The following GRIA3 variants were observed in gnomAD, a reference collection of about 807,000 sequenced individuals.
GRIA3 encodes glutamate receptor 3.
In GRIA3, 3 loss-of-function variants were observed where a neutral mutation model predicts 63.0. That is an observed-to-expected ratio of 0.05 (90% CI 0.02 to 0.12). The LOEUF is 0.12. Among genes scored for constraint, GRIA3 ranks in the 10% least tolerant of loss-of-function variants. The probability of loss-of-function intolerance (pLI) is 1.00; values close to 1 mark genes in which losing one functional copy is unlikely to be tolerated. For missense variants in GRIA3, 347 were observed against 700.9 expected (o/e 0.50, Z 5.70); for synonymous variants, 274 against 257.9 (o/e 1.06, Z -0.60).
chrX:123,303,938 A>G (rs1233523539), intron 3 of GRIA3, among the ~76,000 whole-genome samples: 1 of 111,400 alleles, frequency 9.0e-6, no homozygotes, highest in African/African-American at 3.3e-5. Context: ...TAGGAAAAAA[A>G]AAATGATTTC....
intron 12 of GRIA3, among the ~76,000 whole-genome samples, chrX:123,463,446 A>T (rs2045804917): frequency 9.5e-6 from 1 of 104,810 alleles, no homozygotes; most frequent in South Asian, 4.5e-4. Context: ...GGTATTCAGG[A>T]GGCTGATGCA....
chrX:123,322,532 G>GT (rs1200523521), intron 3 of GRIA3, among the ~76,000 whole-genome samples: 2 of 111,360 alleles, frequency 1.8e-5, no homozygotes, highest in African/African-American at 6.5e-5. Context: ...ACCAATGCCT[G>GT]TTTTTTTCTC....
At chrX:123,353,038 CACACACACACACACACAA>C (rs2045107574) in intron 4 of GRIA3, among the ~76,000 whole-genome samples, 1 of 108,282 alleles carries the variant, frequency 9.2e-6, no homozygotes, top group Non-Finnish European at 1.9e-5. Flanking sequence ...CACACACACA[CACACACACACACACACAA>C]ACACACACAC....
At chrX:123,470,723 T>C (rs750085319) in intron 13 of GRIA3, among the ~76,000 whole-genome samples, 5 of 112,159 alleles carry the variant, frequency 4.5e-5, no homozygotes, top group African/African-American at 1.6e-4. Flanking sequence ...CTTCCATGTA[T>C]GTCTACAATT....
chrX:123,383,584 T>C (rs1272519931), intron 5 of GRIA3, among the ~76,000 whole-genome samples: 2 of 111,999 alleles, frequency 1.8e-5, no homozygotes, highest in Non-Finnish European at 3.8e-5. Context: ...GACCTCCAGT[T>C]CCATCCACGT....
At chrX:123,306,965 T>C (rs1013084055) in intron 3 of GRIA3, among the ~76,000 whole-genome samples, 10 of 111,936 alleles carry the variant, frequency 8.9e-5, no homozygotes, top group African/African-American at 2.6e-4. Flanking sequence ...TGCCGAAAGC[T>C]TGCAGCCAGG....
At chrX:123,488,535 A>G (rs1325849692) in intron 15 of GRIA3, among the ~76,000 whole-genome samples, 178 bp from the exon 16 acceptor site, 2 of 112,355 alleles carry the variant, frequency 1.8e-5, no homozygotes, top group African/African-American at 3.2e-5. Context: ...CAATACATAT[A>G]GTAGAGAATG....
At chrX:123,390,077 T>C (rs1000055782) in intron 5 of GRIA3, among the ~76,000 whole-genome samples, 82 of 111,920 alleles carry the variant, frequency 7.3e-4, no homozygotes, top group African/African-American at 2.3e-3. Context: ...TGAAGGCTCA[T>C]TTCTGTCATT....
At chrX:123,272,444 C>T (rs980007464) in intron 3 of GRIA3, among the ~76,000 whole-genome samples, 3 of 112,032 alleles carry the variant, frequency 2.7e-5, no homozygotes, top group Admixed American at 9.4e-5. Context: ...TGCTTTCCAC[C>T]CTTCCCATCC....
At chrX:123,407,485 G>A (rs1366314408) in intron 10 of GRIA3, among the ~76,000 whole-genome samples, 1 of 110,786 alleles carries the variant, frequency 9.0e-6, no homozygotes, top group African/African-American at 3.3e-5. Flanking sequence ...TGTCTCGTGA[G>A]GGCCACTTTC....
intron 3 of GRIA3, among the ~76,000 whole-genome samples, chrX:123,314,341 G>A (rs1354897303): frequency 8.9e-6 from 1 of 112,656 alleles, no homozygotes. Context: ...CCCTCTGTGA[G>A]TTTGCATCGC....
chrX:123,208,038 AAAC>A (rs1283844088), intron 2 of GRIA3, among the ~76,000 whole-genome samples: 2 of 112,385 alleles, frequency 1.8e-5, no homozygotes, highest in Admixed American at 9.4e-5. Flanking sequence ...CTGGAAAAAC[AAAC>A]AATAGAAGAT....
intron 3 of GRIA3, among the ~76,000 whole-genome samples, chrX:123,288,046 T>C (rs1249166916): frequency 4.5e-5 from 5 of 112,276 alleles, no homozygotes; most frequent in African/African-American, 1.3e-4. Flanking sequence ...CAAAACAGCA[T>C]GGTACTGGTA....
Position 123,480,189 on chromosome X carries a change from A to T in GRIA3, c.2439+12A>T. 1 of 1,042,389 alleles carries T rather than the reference A, an allele frequency of 9.6e-7. No homozygotes were observed. The highest frequency in any genetic ancestry group is 1.3e-6 in the Non-Finnish European group (1 of 741,490). The allele number at this position is 1,042,389 out of a possible 1,213,427, so 85.9% of individuals were successfully genotyped here. On this transcript the variant is annotated intron_variant, in intron 14 of 15. Transcript: ENST00000620443. ...ACTCCGGGAGTAAGGTCAGTCGCTG[A>T]AGGTCTTTTTGTACTGATTAGCAAT...
chrX:123,397,032 T>G (rs926559927), intron 6 of GRIA3, among the ~76,000 whole-genome samples: 3 of 111,859 alleles, frequency 2.7e-5, no homozygotes, highest in Non-Finnish European at 3.8e-5. Flanking sequence ...AAGAGTAGTT[T>G]ATGCCTGTGC....
Position 123,398,764 on chromosome X carries a change from C to T in GRIA3, c.1041C>T (p.Pro347=), listed in dbSNP as rs2045427923. The T allele has an allele frequency of 8.3e-7, 1 of 1,207,616 alleles. No individual in the cohort carries two copies. The highest frequency in any genetic ancestry group is 1.1e-6 in the Non-Finnish European group (1 of 894,024). ...ACTGCTTAGCAAATCCTGCTGTGCC[C>T]TGGAGTCAAGGAATTGATATTGAGA... ...AGDCLANPAV[P]WSQGIDIERA... Residue 347 remains proline (P), a synonymous_variant, in exon 7 of 16, where the codon CCC becomes CCT. Coordinates refer to ENST00000620443, the MANE Select transcript of GRIA3 (RefSeq NM_007325.5).
intron 5 of GRIA3, among the ~76,000 whole-genome samples, chrX:123,382,007 G>T (rs1423882102): frequency 8.9e-6 from 1 of 111,943 alleles, no homozygotes; most frequent in Non-Finnish European, 1.9e-5. Flanking sequence ...GAGGACTATT[G>T]GTTGCTCTAT....
intron 2 of GRIA3, among the ~76,000 whole-genome samples, chrX:123,244,234 A>G (rs996175753): frequency 4.5e-5 from 5 of 112,107 alleles, no homozygotes; most frequent in African/African-American, 1.6e-4. Context: ...AATGGGGCTG[A>G]CACACTGTTC....
chrX:123,374,990 T>C (rs2045274833), intron 5 of GRIA3, among the ~76,000 whole-genome samples: 1 of 111,650 alleles, frequency 9.0e-6, no homozygotes, highest in Admixed American at 9.5e-5. Flanking sequence ...ACAATGAAAG[T>C]GGGCATCCTT....
Sources: allele counts gnomAD v4.1 joint callset (sites outside exome capture counted in the v4.1 genomes callset), GRCh38; gene constraint gnomAD v4.1.1; transcripts MANE v1.5; gene names NCBI Gene and HGNC (gene_info 2026-07-23, HGNC 2026-07-21).